The following WDTC1 variants were observed in gnomAD, a reference collection of about 807,000 sequenced individuals.
WDTC1 encodes WD and tetratricopeptide repeats 1.
Under a neutral mutation model 76.0 loss-of-function variants are expected in WDTC1, and 12 were observed. The observed-to-expected ratio is 0.16, with a 90% confidence interval of 0.10 to 0.26. WDTC1 has a LOEUF of 0.26. Among genes scored for constraint, WDTC1 ranks in the 10% least tolerant of loss-of-function variants. The pLI, the probability that WDTC1 is intolerant of heterozygous loss-of-function variation, is 1.00. For synonymous variants in WDTC1, 326 were observed against 350.8 expected (o/e 0.93, Z 0.79); for missense variants, 511 against 908.8 (o/e 0.56, Z 5.63).
At chr1:27,293,095 A>AT (rs1007082668) in intron 7 of WDTC1, among the ~76,000 whole-genome samples, 8 of 151,124 alleles carry the variant, frequency 5.3e-5, no homozygotes, top group South Asian at 4.2e-4. Context: ...CAATTTTGTG[A>AT]TTTTTTAAAA....
Position 27,306,111 on chromosome 1 carries a change from C to T in WDTC1, c.1837-75C>T. ...ATAGTTTAGTCTGTGTATTTCCCTC[C>T]CCCTCCCCTATACGTGTACCCTGGT... On this transcript the variant is annotated intron_variant, in intron 15 of 15. Transcript: ENST00000319394. This position sits in a 1 kb window ranked among gnomAD's most constrained non-coding sequence, Gnocchi z 5.0. 6.5e-7 allele frequency: 1 copy of T among 1,536,074 alleles called. No homozygotes were observed. Among genetic ancestry groups the T allele is most frequent in the African/African-American group, 1.4e-5 (1 of 73,568 alleles).
intron 11 of WDTC1, 87 bp from the exon 12 acceptor site, chr1:27,297,851 G>A: frequency 1.4e-6 from 2 of 1,403,056 alleles, no homozygotes; most frequent in Middle Eastern, 2.1e-4. Flanking sequence ...AGAAAATCTG[G>A]GTGGCCCTCA....
chr1:27,256,423 C>T (rs1027318783), intron 1 of WDTC1, among the ~76,000 whole-genome samples: 1 of 152,200 alleles, frequency 6.6e-6, no homozygotes, highest in African/African-American at 2.4e-5. Context: ...CACCTCCTTT[C>T]TCACTTTATA....
chr1:27,285,669 A>G lies in WDTC1; in HGVS notation c.292-2005A>G, dbSNP rs191014872. 3.7e-4 allele frequency among the ~76,000 whole-genome samples: 55 copies of G among 147,630 alleles called. No homozygotes were observed. In the East Asian group the frequency reaches 0.01, roughly 27 times the overall value. ...GTCTCGCTCTTGTTGCCCAGGCTGG[A>G]GTACAGTGGCAAGATCTCGGCTCAC... On this transcript the variant is annotated intron_variant, in intron 5 of 15. Transcript: ENST00000319394.
chr1:27,289,238 G>T (rs1433308365), intron 6 of WDTC1, among the ~76,000 whole-genome samples: 5 of 148,278 alleles, frequency 3.4e-5, no homozygotes, highest in Non-Finnish European at 6.0e-5. Flanking sequence ...GGTGGTTGCC[G>T]GGCGGAGAGG....
Position 27,306,697 on chromosome 1 carries a change from CAGGTG to C in WDTC1, c.*315_*319del. ...GCCTGCCTCAAAACCCCTTCTGCCT[CAGGTG>C]GGGAGGAACAAGCTGAACTGTCTTC... On this transcript the variant is annotated 3_prime_UTR_variant, in exon 16 of 16. Coordinates refer to ENST00000319394, the MANE Select transcript of WDTC1 (RefSeq NM_001276252.2). The surrounding 1 kb of genome is among the most constrained non-coding windows in gnomAD (Gnocchi z 5.0). The C allele has an allele frequency of 2.5e-6, 1 of 407,210 alleles. No homozygotes were observed. The highest frequency in any genetic ancestry group is 2.8e-5 in the South Asian group (1 of 35,796). 25.2% of individuals were successfully genotyped at this position (407,210 alleles called of 1,614,324 possible). A position where few individuals can be genotyped will look rare whatever the true frequency, so the allele number is the denominator to read the frequency against.
chr1:27,276,205 G>A lies in WDTC1; in HGVS notation c.133-6034G>A, dbSNP rs148239922. Among the ~76,000 whole-genome samples the A allele has an allele frequency of 3.1e-3, 466 of 152,234 alleles. 4 individuals are homozygous for A. The highest frequency in any genetic ancestry group is 9.1e-3 in the African/African-American group (380 of 41,544). On this transcript the variant is annotated intron_variant, in intron 3 of 15. Coordinates refer to ENST00000319394, the MANE Select transcript of WDTC1 (RefSeq NM_001276252.2). ...TGAACCTTCATGTACAAGTTTTTGT[G>A]TGGACATGTTTTCTTCACTTTTCTT...
intron 3 of WDTC1, among the ~76,000 whole-genome samples, chr1:27,263,578 C>T (rs1339710188): frequency 3.3e-5 from 5 of 152,126 alleles, no homozygotes; most frequent in African/African-American, 7.2e-5. Context: ...GGACTACAGG[C>T]GCCCATCACC....
At position 27,235,042 on chromosome 1, in the gene WDTC1, C is replaced by A. The variant is rs1046361045; in HGVS notation, c.-100+91C>A. The A allele has an allele frequency of 2.8e-5, 10 of 353,172 alleles. No homozygotes were observed. The Admixed American group carries it at 3.8e-4, about 13-fold the overall frequency. 21.9% of individuals were successfully genotyped at this position (353,172 alleles called of 1,614,324 possible). A position where few individuals can be genotyped will look rare whatever the true frequency, so the allele number is the denominator to read the frequency against. On this transcript the variant is annotated intron_variant, in intron 1 of 15. Transcript: ENST00000319394. ...GGTGAACGGGCCGCCCGCTCTGGGC[C>A]GGCTCCAGCCCTGCCGGCCTGGGGG...
intron 3 of WDTC1, among the ~76,000 whole-genome samples, chr1:27,266,622 G>T (rs1264266042): frequency 6.6e-6 from 1 of 152,162 alleles, no homozygotes; most frequent in Admixed American, 6.5e-5. Context: ...TTCCTAAGAC[G>T]CCAGTCCCAA....
Position 27,263,178 on chromosome 1 carries a change from G to T in WDTC1, c.75G>T (p.Arg25=). 2 of 1,613,566 alleles carry T rather than the reference G, an allele frequency of 1.2e-6. No homozygotes were observed. Among genetic ancestry groups the T allele is most frequent in the Non-Finnish European group, 8.5e-7 (1 of 1,179,814 alleles). Residue 25 remains arginine (R), a synonymous_variant, in exon 3 of 16, where the codon CGG becomes CGT. Transcript: ENST00000319394. Reference sequence around the variant, plus strand: ...AGCGGGGTGCCCTGAGCTTTGAGCGGCGCTACCATGTCACTGACCCCTTTA... The same window carrying T: ...AGCGGGGTGCCCTGAGCTTTGAGCGTCGCTACCATGTCACTGACCCCTTTA... The part of the protein sequence containing the change: ...IKERGALSFE[R]RYHVTDPFIR...
At chr1:27,302,627 G>A (rs918479983) in intron 13 of WDTC1, among the ~76,000 whole-genome samples, 3 of 152,086 alleles carry the variant, frequency 2.0e-5, no homozygotes, top group Non-Finnish European at 4.4e-5. Context: ...TGTAGTCCCA[G>A]CTCCTCGGGC....
chr1:27,287,829 A>T lies in WDTC1; in HGVS notation c.447A>T (p.Thr149=), dbSNP rs755064261. 9 of 1,613,820 alleles carry T rather than the reference A, an allele frequency of 5.6e-6. No individual in the cohort carries two copies. Among genetic ancestry groups the T allele is most frequent in the Admixed American group, 1.7e-5 (1 of 59,982 alleles). The change falls in exon 6 of 16, where the codon ACA becomes ACT. Residue 149 remains threonine, a synonymous_variant. Transcript: ENST00000319394. ...CCACAGCGCCCATGTGGCCCAACACATTCTGGAGTGCTGCTGAGGATGGGC... is the reference window on the plus strand; with the variant it reads ...CCACAGCGCCCATGTGGCCCAACACTTTCTGGAGTGCTGCTGAGGATGGGC... ...RIATAPMWPN[T]FWSAAEDGLI...
At position 27,241,803 on chromosome 1, in the gene WDTC1, A is replaced by G. The variant is rs557067245; in HGVS notation, c.-100+6852A>G. On this transcript the variant is annotated intron_variant, in intron 1 of 15. Transcript: ENST00000319394. ...CTAAGAGCAGACAGGAAAATTAGCT[A>G]TGATCACTGGAAAACAAAGTTCTGA... 1.0e-3 allele frequency among the ~76,000 whole-genome samples: 159 copies of G among 152,270 alleles called. 1 individual carries two copies. The highest frequency in any genetic ancestry group is 1.5e-3 in the Non-Finnish European group (100 of 68,014).
chr1:27,261,588 G>C (rs1159397457), intron 2 of WDTC1, among the ~76,000 whole-genome samples: 1 of 152,178 alleles, frequency 6.6e-6, no homozygotes, highest in Non-Finnish European at 1.5e-5. Flanking sequence ...GAGATAAATG[G>C]ATGACTGGGC....
Position 27,301,112 on chromosome 1 carries a change from A to C in WDTC1, c.1233-114A>C. ...CTCTTCGTCCTCAAGTCCCCTTGCC[A>C]TGAGATCTGTCAGTGGTGGGCTGGG... On this transcript the variant is annotated intron_variant, in intron 12 of 15. Coordinates refer to ENST00000319394, the MANE Select transcript of WDTC1 (RefSeq NM_001276252.2). This position sits in a 1 kb window ranked among gnomAD's most constrained non-coding sequence, Gnocchi z 5.8. 5 of 864,046 alleles carry C rather than the reference A, an allele frequency of 5.8e-6. No individual in the cohort carries two copies. Among genetic ancestry groups the C allele is most frequent in the Admixed American group, 4.3e-5 (2 of 46,428 alleles). The allele number at this position is 864,046 out of a possible 1,614,324, so 53.5% of individuals were successfully genotyped here. A position where few individuals can be genotyped will look rare whatever the true frequency, so the allele number is the denominator to read the frequency against.
chr1:27,248,024 A>G (rs1570939642), intron 1 of WDTC1, among the ~76,000 whole-genome samples: 1 of 152,048 alleles, frequency 6.6e-6, no homozygotes, highest in Non-Finnish European at 1.5e-5. Context: ...AGCCTGTACC[A>G]CATCTTCTTT....
At chr1:27,296,550 A>G in intron 10 of WDTC1, 149 bp downstream of exon 10, 3 of 798,870 alleles carry the variant, frequency 3.8e-6, no homozygotes, top group South Asian at 3.3e-5. Flanking sequence ...GCAGTAAGAA[A>G]GAGGATGACA....
chr1:27,295,224 A>G (rs1242706320), intron 9 of WDTC1, among the ~76,000 whole-genome samples: 1 of 152,204 alleles, frequency 6.6e-6, no homozygotes, highest in Non-Finnish European at 1.5e-5. Flanking sequence ...AGTGGGAAAT[A>G]TGATCCATCC....
Sources: gnomAD v4.1 joint callset for allele counts (sites outside exome capture counted in the v4.1 genomes callset) on GRCh38, gnomAD v4.1.1 for gene constraint, Gnocchi (gnomAD v3.1) non-coding constraint, MANE v1.5 for transcripts, NCBI Gene and HGNC (gene_info 2026-07-23, HGNC 2026-07-21) for gene names.